SLMAP: variants seen among roughly 807,000 people sequenced by gnomAD.
The protein encoded by SLMAP is sarcolemma associated protein.
Under a neutral mutation model 128.8 loss-of-function variants are expected in SLMAP, and 44 were observed. That is an observed-to-expected ratio of 0.34 (90% CI 0.27 to 0.44). The LOEUF is 0.44. Ranked by LOEUF, SLMAP falls within the 20% of genes least tolerant of loss-of-function variation. The pLI, the probability that SLMAP is intolerant of heterozygous loss-of-function variation, is 1.00. For missense variants in SLMAP, 787 were observed against 985.3 expected, an observed-to-expected ratio of 0.80 and a Z score of 2.69; for synonymous variants, 327 against 348.8, an observed-to-expected ratio of 0.94 and a Z score of 0.70.
intron 21 of SLMAP, among the ~76,000 whole-genome samples, chr3:57,915,531 C>T (rs567634851): frequency 6.6e-6 from 1 of 152,294 alleles, no homozygotes; most frequent in East Asian, 1.9e-4. Flanking sequence ...TAATTCCTAG[C>T]TGTATTGGCT....
Position 57,908,556 on chromosome 3 carries a change from A to G in SLMAP, c.1625-520A>G, listed in dbSNP as rs78521362. On this transcript the variant is annotated intron_variant, in intron 18 of 24. Coordinates refer to ENST00000671191, the MANE Select transcript of SLMAP (RefSeq NM_001377540.1). Reference sequence around the variant, plus strand: ...TGCCTAGTAGGAAGATTTACATCCCAGGAGGGAACTAGGAACTTCTTGTTA... The same window carrying G: ...TGCCTAGTAGGAAGATTTACATCCCGGGAGGGAACTAGGAACTTCTTGTTA... Among the ~76,000 whole-genome samples, 64 of 152,330 alleles carry G rather than the reference A, an allele frequency of 4.2e-4. No homozygotes were observed. The East Asian group carries it at 0.011, about 27-fold the overall frequency.
chr3:57,785,217 ATAGGT>A (rs1305895882), intron 2 of SLMAP, among the ~76,000 whole-genome samples: 2 of 152,198 alleles, frequency 1.3e-5, no homozygotes, highest in African/African-American at 4.8e-5. Context: ...ATATGTTGTA[ATAGGT>A]TAGGGATTAC....
Position 57,929,129 on chromosome 3 carries a change from G to A in SLMAP, c.*1840G>A, listed in dbSNP as rs1317710719. The stretch of plus-strand genomic sequence containing the variant: ...GATTAAACTATTTGCACTAACACAC[G>A]TGACGTGCATGATTTAATAAAATAA... On this transcript the variant is annotated 3_prime_UTR_variant, in exon 25 of 25. Transcript: ENST00000671191. 1 of 152,534 alleles carries A rather than the reference G, an allele frequency of 6.6e-6. No individual in the cohort carries two copies. Among genetic ancestry groups the A allele is most frequent in the Non-Finnish European group, 1.5e-5 (1 of 67,986 alleles). The allele number at this position is 152,534 out of a possible 1,614,324, so 9.4% of individuals were successfully genotyped here. A position where few individuals can be genotyped will look rare whatever the true frequency, so the allele number is the denominator to read the frequency against.
chr3:57,887,495 A>G lies in SLMAP; in HGVS notation c.1301-2546A>G, dbSNP rs144147207. On this transcript the variant is annotated intron_variant, in intron 14 of 24. Coordinates refer to ENST00000671191, the MANE Select transcript of SLMAP (RefSeq NM_001377540.1). Reference sequence around the variant, plus strand: ...CCAAAGTGCTGGCATTACAGGCATGAGCCACCATGCCCAGCCAAGCCATGA... The same window carrying G: ...CCAAAGTGCTGGCATTACAGGCATGGGCCACCATGCCCAGCCAAGCCATGA... Among the ~76,000 whole-genome samples, 963 of 152,274 alleles carry G rather than the reference A, an allele frequency of 6.3e-3. 18 individuals carry two copies. Among genetic ancestry groups the G allele is most frequent in the African/African-American group, 0.022 (924 of 41,554 alleles).
chr3:57,891,650 C>G (rs1262094293), intron 15 of SLMAP, among the ~76,000 whole-genome samples: 2 of 151,666 alleles, frequency 1.3e-5, no homozygotes, highest in Non-Finnish European at 2.9e-5. Context: ...AATCTCAGCT[C>G]ACTGCAACCT....
At position 57,775,509 on chromosome 3, in the gene SLMAP, C is replaced by CAA. The variant is rs1009755128; in HGVS notation, c.198+17688_198+17689dup. Among the ~76,000 whole-genome samples, 132 of 21,194 alleles carry CAA rather than the reference C, an allele frequency of 6.2e-3. 14 individuals are homozygous for CAA. Among genetic ancestry groups the CAA allele is most frequent in the African/African-American group, 8.9e-3 (83 of 9,288 alleles). 13.9% of individuals were successfully genotyped at this position (21,194 alleles called of 152,430 possible). ...GCAACAAAGTGAAACCCTGTTGGTA[C>CAA]AAAAAAAAAAAAAAAAAAAAAAAAA... On this transcript the variant is annotated intron_variant, in intron 2 of 24. Transcript: ENST00000671191.
rs1021854737 is a variant in SLMAP, at chr3:57,757,083, C to T, written c.-569C>T. ...GACTGTCCCGCCGGCCGTCTAGAGC[C>T]CCTCCGTCTCCGTCACCTCTCGCCC... is the stretch of plus-strand genomic sequence containing the variant. On this transcript the variant is annotated 5_prime_UTR_variant, in exon 2 of 25. Transcript: ENST00000671191. 1.2e-4 allele frequency: 19 copies of T among 163,514 alleles called. No homozygotes were observed. Among genetic ancestry groups the T allele is most frequent in the Admixed American group, 4.1e-4 (7 of 17,122 alleles). The allele number at this position is 163,514 out of a possible 1,614,324, so 10.1% of individuals were successfully genotyped here. A position where few individuals can be genotyped will look rare whatever the true frequency, so the allele number is the denominator to read the frequency against.
At chr3:57,872,764 A>G (rs2095512180) in intron 14 of SLMAP, among the ~76,000 whole-genome samples, 1 of 152,216 alleles carries the variant, frequency 6.6e-6, no homozygotes, top group Non-Finnish European at 1.5e-5. Flanking sequence ...CAAGGTTATG[A>G]TATTTTCTTG....
At chr3:57,880,099 A>T (rs1428618764) in intron 14 of SLMAP, among the ~76,000 whole-genome samples, 1 of 152,182 alleles carries the variant, frequency 6.6e-6, no homozygotes, top group African/African-American at 2.4e-5. Context: ...GGCTGCAGTC[A>T]CATAGATATT....
intron 17 of SLMAP, chr3:57,900,292 T>G (rs1044500771): frequency 6.6e-6 from 1 of 152,246 alleles, no homozygotes; most frequent in Non-Finnish European, 1.5e-5. Context: ...ACATTCATTA[T>G]GAGATAAAAT....
intron 6 of SLMAP, among the ~76,000 whole-genome samples, chr3:57,854,611 A>G (rs1022732788): frequency 3.9e-5 from 6 of 152,192 alleles, no homozygotes; most frequent in Admixed American, 3.3e-4. Context: ...AATAAAACAA[A>G]AATGTATACG....
chr3:57,873,993 C>T (rs2095545147), intron 14 of SLMAP, among the ~76,000 whole-genome samples: 1 of 152,084 alleles, frequency 6.6e-6, no homozygotes, highest in Non-Finnish European at 1.5e-5. Context: ...CGTGGTGATG[C>T]ATGCCTGTAA....
chr3:57,790,467 T>G (rs951664319), intron 2 of SLMAP, among the ~76,000 whole-genome samples: 1 of 152,096 alleles, frequency 6.6e-6, no homozygotes, highest in Non-Finnish European at 1.5e-5. Flanking sequence ...AAAAAAAAAG[T>G]GGAACACGGT....
At chr3:57,873,913 G>C (rs996692442) in intron 14 of SLMAP, among the ~76,000 whole-genome samples, 46 of 152,292 alleles carry the variant, frequency 3.0e-4, no homozygotes, top group African/African-American at 1.1e-3. Flanking sequence ...TTGAGGTCAG[G>C]AGTTTGAGAC....
intron 2 of SLMAP, among the ~76,000 whole-genome samples, chr3:57,784,750 G>T (rs953374752): frequency 2.0e-5 from 3 of 152,174 alleles, no homozygotes; most frequent in Admixed American, 6.5e-5. Flanking sequence ...GTCTGCCATG[G>T]TTCATGTGTT....
intron 14 of SLMAP, among the ~76,000 whole-genome samples, chr3:57,877,831 C>CTTTTT (rs57685937): frequency 5.4e-5 from 6 of 111,636 alleles, no homozygotes; most frequent in South Asian, 3.0e-4. Flanking sequence ...TTTTTTCCTT[C>CTTTTT]TTTTTTTTTT....
rs1452361337 is a variant in SLMAP, at chr3:57,927,563, A to G, written c.*274A>G. On this transcript the variant is annotated 3_prime_UTR_variant, in exon 25 of 25. Transcript: ENST00000671191. ...TAAAATGTATCTGTCTATAAAGAAG[A>G]TATAAAATTGTGACTTTATTCTACT... 2 of 355,458 alleles carry G rather than the reference A, an allele frequency of 5.6e-6. No individual in the cohort carries two copies. The highest frequency in any genetic ancestry group is 1.0e-5 in the Non-Finnish European group (2 of 198,328). The allele number at this position is 355,458 out of a possible 1,614,324, so 22.0% of individuals were successfully genotyped here. A position where few individuals can be genotyped will look rare whatever the true frequency, so the allele number is the denominator to read the frequency against.
At chr3:57,894,941 G>A (rs2096200628) in intron 15 of SLMAP, among the ~76,000 whole-genome samples, 1 of 152,074 alleles carries the variant, frequency 6.6e-6, no homozygotes, top group African/African-American at 2.4e-5. Context: ...TGGGGAGATA[G>A]GATTTCCATA....
chr3:57,869,869 A>G lies in SLMAP; in HGVS notation c.1238-1767A>G, dbSNP rs549420020. ...GCCACATTTGAAGGGTTTAGTAACT[A>G]CAGTAGCTAATGGCTATAGTATTAG... On this transcript the variant is annotated intron_variant, in intron 13 of 24. Transcript: ENST00000671191. Among the ~76,000 whole-genome samples, 53 of 151,574 alleles carry G rather than the reference A, an allele frequency of 3.5e-4. 1 individual carries two copies. In the South Asian group the frequency reaches 0.01, roughly 30 times the overall value.
Sources: gnomAD v4.1 joint callset for allele counts (sites outside exome capture counted in the v4.1 genomes callset) on GRCh38, gnomAD v4.1.1 for gene constraint, MANE v1.5 for transcripts, NCBI Gene and HGNC (gene_info 2026-07-23, HGNC 2026-07-21) for gene names.